PITPNC1: variants seen among roughly 807,000 people sequenced by gnomAD.
PITPNC1 encodes the protein cytoplasmic phosphatidylinositol transfer protein 1.
In PITPNC1, 18 loss-of-function variants were observed where a neutral mutation model predicts 44.7. The observed-to-expected ratio is 0.40, with a 90% CI of 0.28 to 0.60. The LOEUF (loss-of-function observed/expected upper bound fraction) is 0.60. PITPNC1 is among the 20% of genes least tolerant of loss of function. The pLI is 0.39. For synonymous variants in PITPNC1, 141 were observed against 149.6 expected (o/e 0.94, Z 0.42); for missense variants, 290 against 418.4 (o/e 0.69, Z 2.68).
intron 5 of PITPNC1, among the ~76,000 whole-genome samples, chr17:67,617,504 AAAAC>A (rs1390433151): frequency 6.6e-6 from 1 of 152,202 alleles, no homozygotes. Context: ...ACTCTGTCTC[AAAAC>A]AAACAAACAA....
chr17:67,614,246 T>C (rs2144299086), intron 5 of PITPNC1, among the ~76,000 whole-genome samples: 1 of 152,232 alleles, frequency 6.6e-6, no homozygotes, highest in Non-Finnish European at 1.5e-5. Context: ...TCTTCTCTAC[T>C]ACCCAGTGAG....
chr17:67,528,069 G>A (rs140428975), intron 1 of PITPNC1, among the ~76,000 whole-genome samples: 1 of 151,922 alleles, frequency 6.6e-6, no homozygotes, highest in African/African-American at 2.4e-5. Context: ...TGAGACAAAG[G>A]CTCCCTCTGT....
chr17:67,471,384 C>T (rs935749380), intron 1 of PITPNC1: 2 of 294,280 alleles, frequency 6.8e-6, no homozygotes, highest in Admixed American at 5.5e-5. Context: ...GGGTTACTTC[C>T]AGTTTTGGAT....
chr17:67,402,490 TC>T (rs2038331843), intron 1 of PITPNC1, among the ~76,000 whole-genome samples: 1 of 151,854 alleles, frequency 6.6e-6, no homozygotes, highest in Non-Finnish European at 1.5e-5. Context: ...CTTGGTCTTC[TC>T]CACCCCCCAT....
intron 1 of PITPNC1, among the ~76,000 whole-genome samples, chr17:67,409,728 G>T (rs1181502375): frequency 4.0e-5 from 6 of 151,822 alleles, no homozygotes; most frequent in Non-Finnish European, 8.8e-5. Flanking sequence ...AGTAGAGGTG[G>T]GGTTTCATCA....
chr17:67,585,773 C>T (rs1306912439), intron 5 of PITPNC1, among the ~76,000 whole-genome samples: 1 of 152,118 alleles, frequency 6.6e-6, no homozygotes, highest in Non-Finnish European at 1.5e-5. Context: ...CCACTGCACT[C>T]CAGCCTGGGT....
At chr17:67,422,616 C>T (rs751478494) in intron 1 of PITPNC1, among the ~76,000 whole-genome samples, 3 of 151,384 alleles carry the variant, frequency 2.0e-5, no homozygotes, top group Non-Finnish European at 4.4e-5. Context: ...GGTGTGATCT[C>T]GGCTCACTGC....
chr17:67,428,534 A>G (rs1196349640), intron 1 of PITPNC1, among the ~76,000 whole-genome samples: 1 of 151,128 alleles, frequency 6.6e-6, no homozygotes, highest in East Asian at 1.9e-4. Context: ...CCCTATCTCA[A>G]AAAGAAAAAA....
chr17:67,651,384 G>A (rs779683785), intron 6 of PITPNC1, among the ~76,000 whole-genome samples: 55 of 152,020 alleles, frequency 3.6e-4, no homozygotes, highest in African/African-American at 1.2e-3. Context: ...GTGCTGGCAC[G>A]TGCTTGTAAT....
intron 6 of PITPNC1, among the ~76,000 whole-genome samples, chr17:67,659,982 G>A (rs1180178251): frequency 6.6e-6 from 1 of 152,096 alleles, no homozygotes; most frequent in Non-Finnish European, 1.5e-5. Flanking sequence ...CAGGGTTCAA[G>A]CGATTCTTGT....
intron 1 of PITPNC1, among the ~76,000 whole-genome samples, chr17:67,393,506 C>A (rs1452999447): frequency 1.3e-5 from 2 of 151,766 alleles, no homozygotes; most frequent in African/African-American, 4.8e-5. Flanking sequence ...GAATTTTTTT[C>A]TGAATTCTGC....
At chr17:67,408,951 C>T (rs2038447938) in intron 1 of PITPNC1, 2 of 151,098 alleles carry the variant, frequency 1.3e-5, no homozygotes, top group South Asian at 2.1e-4. Flanking sequence ...TGCAAGGTCA[C>T]AAAGATTTAT....
At chr17:67,390,977 G>A (rs1461269068) in intron 1 of PITPNC1, among the ~76,000 whole-genome samples, 3 of 151,990 alleles carry the variant, frequency 2.0e-5, no homozygotes, top group Non-Finnish European at 4.4e-5. Context: ...ACTCCTCATC[G>A]GACGTTAGTG....
At chr17:67,521,662 G>A (rs765728352) in intron 1 of PITPNC1, among the ~76,000 whole-genome samples, 1 of 152,172 alleles carries the variant, frequency 6.6e-6, no homozygotes, top group Non-Finnish European at 1.5e-5. Context: ...AGCCAGTCAT[G>A]TTCTTAGCTT....
intron 4 of PITPNC1, among the ~76,000 whole-genome samples, chr17:67,577,420 T>C (rs2041164610): frequency 6.6e-6 from 1 of 151,778 alleles, no homozygotes; most frequent in Non-Finnish European, 1.5e-5. Context: ...AAACCCTATC[T>C]CTACTAAAAA....
At position 67,497,367 on chromosome 17, in the gene PITPNC1, C is replaced by G. The variant is rs145062826; in HGVS notation, c.49-35435C>G. On this transcript the variant is annotated intron_variant, in intron 1 of 8. Transcript: ENST00000581322. ...AAAGCTTAATTTATAATGGAAGTCA[C>G]CCTGTGCAGGCACACTTATAGGTAC... 3.6e-3 allele frequency among the ~76,000 whole-genome samples: 544 copies of G among 151,766 alleles called. 5 individuals are homozygous for G. The highest frequency in any genetic ancestry group is 0.013 in the African/African-American group (525 of 41,424).
chr17:67,391,141 T>A (rs1299529279), intron 1 of PITPNC1, among the ~76,000 whole-genome samples: 1 of 143,592 alleles, frequency 7.0e-6, no homozygotes, highest in African/African-American at 2.7e-5. Context: ...TGTTTATTCC[T>A]GAGCAAAGAA....
intron 1 of PITPNC1, among the ~76,000 whole-genome samples, chr17:67,415,702 TA>T (rs1268081348): frequency 6.6e-6 from 1 of 152,210 alleles, no homozygotes; most frequent in South Asian, 2.1e-4. Flanking sequence ...AAATGAAATC[TA>T]AAATGTTACA....
intron 5 of PITPNC1, among the ~76,000 whole-genome samples, chr17:67,617,855 T>TCC (rs2041779880): frequency 6.6e-6 from 1 of 152,108 alleles, no homozygotes; most frequent in African/African-American, 2.4e-5. Flanking sequence ...CCACCCTAAA[T>TCC]CCAGGATGAC....
Sources: gnomAD v4.1 joint callset for allele counts (sites outside exome capture counted in the v4.1 genomes callset) on GRCh38, gnomAD v4.1.1 for gene constraint, MANE v1.5 for transcripts, NCBI Gene and HGNC (gene_info 2026-07-23, HGNC 2026-07-21) for gene names.